Variants in SLC4A4 observed in about 807,000 individuals in gnomAD.
SLC4A4 encodes electrogenic sodium bicarbonate cotransporter 1.
Under a neutral mutation model 111.5 loss-of-function variants are expected in SLC4A4, and 27 were observed. The ratio of observed to expected loss-of-function variants is 0.24; its 90% CI spans 0.18 to 0.33. The LOEUF is 0.33. Among genes scored for constraint, SLC4A4 ranks in the 10% least tolerant of loss-of-function variants. SLC4A4 has a pLI of 1.00. For missense variants in SLC4A4, 909 were observed against 1,315.5 expected (o/e 0.69, Z 4.78); for synonymous variants, 443 against 463.4 (o/e 0.96, Z 0.57).
intron 3 of SLC4A4, among the ~76,000 whole-genome samples, chr4:71,337,326 T>C (rs1052190810): frequency 2.0e-5 from 3 of 152,162 alleles, no homozygotes; most frequent in African/African-American, 7.2e-5. Context: ...TTTATAGAAA[T>C]ATATATTTCT....
intron 2 of SLC4A4, among the ~76,000 whole-genome samples, chr4:71,250,493 G>A (rs3933733): frequency 0.011 from 1,655 of 152,170 alleles, 13 homozygotes; most frequent in Admixed American, 0.02. Flanking sequence ...AGACTTCTGG[G>A]TAAAGATTTT....
chr4:71,398,113 C>T (rs1177322256), intron 7 of SLC4A4, among the ~76,000 whole-genome samples: 2 of 151,770 alleles, frequency 1.3e-5, no homozygotes, highest in East Asian at 1.9e-4. Flanking sequence ...TGACAAAACC[C>T]GTCTCTACTA....
intron 6 of SLC4A4, among the ~76,000 whole-genome samples, chr4:71,389,471 C>T (rs1156284388): frequency 6.6e-6 from 1 of 152,212 alleles, no homozygotes; most frequent in Non-Finnish European, 1.5e-5. Flanking sequence ...CTTATTTCTC[C>T]TCCATCCTCA....
intron 7 of SLC4A4, among the ~76,000 whole-genome samples, chr4:71,434,915 A>C (rs911228452): frequency 6.6e-6 from 1 of 152,032 alleles, no homozygotes; most frequent in African/African-American, 2.4e-5. Flanking sequence ...TCAACGAAAT[A>C]AGAGGACACA....
chr4:71,092,567 C>T (rs534287703), intron 1 of SLC4A4, among the ~76,000 whole-genome samples: 1 of 152,224 alleles, frequency 6.6e-6, no homozygotes, highest in East Asian at 1.9e-4. Flanking sequence ...TCAGAAAAAA[C>T]ACTGCAAAAA....
chr4:71,095,031 G>A (rs1742501784), intron 2 of SLC4A4, among the ~76,000 whole-genome samples: 1 of 152,166 alleles, frequency 6.6e-6, no homozygotes, highest in Non-Finnish European at 1.5e-5. Flanking sequence ...ATATGTGTTA[G>A]TTTTAAACAC....
chr4:71,426,740 T>C (rs1723178964), intron 7 of SLC4A4, among the ~76,000 whole-genome samples: 3 of 152,118 alleles, frequency 2.0e-5, no homozygotes, highest in African/African-American at 7.2e-5. Flanking sequence ...TTATATTATA[T>C]TTATCTAAAG....
In SLC4A4 at chr4:71,088,691, TG is replaced by T. The variant is rs1297768370; in HGVS notation, c.-64-4035del. Reference sequence around the variant, plus strand: ...CTTAGTTTGGCTGGATATGAAATTCTGGGGTGAAAATTCTTTTCTTTAAGAA... The same window carrying T: ...CTTAGTTTGGCTGGATATGAAATTCTGGGTGAAAATTCTTTTCTTTAAGAA... On this transcript the variant is annotated intron_variant, in intron 1 of 26. Transcript: ENST00000649996. Among the ~76,000 whole-genome samples, 9 of 152,016 alleles carry T rather than the reference TG, an allele frequency of 5.9e-5. No homozygotes were observed. In the East Asian group the frequency reaches 1.7e-3, roughly 29 times the overall value.
chr4:71,366,922 C>G (rs143377896), intron 6 of SLC4A4, among the ~76,000 whole-genome samples: 70 of 152,320 alleles, frequency 4.6e-4, no homozygotes, highest in African/African-American at 1.6e-3. Flanking sequence ...CTGTGCAAGT[C>G]TCAGCTTTCA....
chr4:71,179,874 A>G (rs1745229272), intron 2 of SLC4A4, among the ~76,000 whole-genome samples: 1 of 152,198 alleles, frequency 6.6e-6, no homozygotes, highest in African/African-American at 2.4e-5. Flanking sequence ...TGGAACCAAA[A>G]AAAGAGCCCA....
At chr4:71,243,089 A>G (rs770703004) in intron 2 of SLC4A4, among the ~76,000 whole-genome samples, 2 of 152,216 alleles carry the variant, frequency 1.3e-5, no homozygotes, top group Non-Finnish European at 2.9e-5. Flanking sequence ...CCATAATTGT[A>G]TACTGGGTAA....
At chr4:71,563,482 C>G (rs1737172861) in intron 23 of SLC4A4, among the ~76,000 whole-genome samples, 2 of 151,784 alleles carry the variant, frequency 1.3e-5, no homozygotes, top group Admixed American at 1.3e-4. Context: ...TCATTTGCTT[C>G]ACACATACAA....
intron 2 of SLC4A4, among the ~76,000 whole-genome samples, chr4:71,156,597 C>CAT (rs750476875): frequency 2.7e-5 from 4 of 150,464 alleles, no homozygotes; most frequent in South Asian, 2.1e-4. Flanking sequence ...CGCACACACA[C>CAT]ACACACACAC....
intron 1 of SLC4A4, among the ~76,000 whole-genome samples, chr4:71,084,392 T>A (rs1020787915): frequency 2.0e-5 from 3 of 152,100 alleles, no homozygotes; most frequent in African/African-American, 4.8e-5. Flanking sequence ...GACAGTTTTT[T>A]AAATTGTATT....
chr4:71,336,622 T>G (rs1728454477), intron 3 of SLC4A4, among the ~76,000 whole-genome samples: 1 of 152,200 alleles, frequency 6.6e-6, no homozygotes, highest in South Asian at 2.1e-4. Context: ...GCTCTCTAAA[T>G]GTGGATCAGC....
intron 3 of SLC4A4, among the ~76,000 whole-genome samples, chr4:71,286,410 G>T (rs1339014060): frequency 1.3e-5 from 2 of 152,220 alleles, no homozygotes; most frequent in Non-Finnish European, 2.9e-5. Flanking sequence ...CTTTTGTACT[G>T]ATCAGCTGGT....
At chr4:71,451,747 C>T (rs1451016869) in intron 11 of SLC4A4, among the ~76,000 whole-genome samples, 1 of 152,014 alleles carries the variant, frequency 6.6e-6, no homozygotes, top group African/African-American at 2.4e-5. Flanking sequence ...TGTGACAGGG[C>T]TGGCATCAAA....
chr4:71,535,511 G>A (rs1382797780), intron 18 of SLC4A4, among the ~76,000 whole-genome samples: 1 of 152,122 alleles, frequency 6.6e-6, no homozygotes, highest in East Asian at 1.9e-4. Context: ...AGGAGAGAAA[G>A]CTGAGATTGA....
At chr4:71,213,842 A>G (rs7661075) in intron 1 of SLC4A4, among the ~76,000 whole-genome samples, 137,321 of 152,152 alleles carry the variant, frequency 0.9, 62,770 homozygotes, top group Non-Finnish European at 0.99. Context: ...TGCAAGCCAG[A>G]AAGGAAGGTC....
Sources: allele counts gnomAD v4.1 joint callset (sites outside exome capture counted in the v4.1 genomes callset), GRCh38; gene constraint gnomAD v4.1.1; transcripts MANE v1.5; gene names NCBI Gene and HGNC (gene_info 2026-07-23, HGNC 2026-07-21).